The following ABHD18 variants were observed in gnomAD, a reference collection of about 807,000 sequenced individuals.
ABHD18 encodes the protein abhydrolase domain containing 18, also known as cardiolipin-specific deacylase, mitochondrial.
Under a neutral mutation model 65.9 loss-of-function variants are expected in ABHD18, and 55 were observed. That is an observed-to-expected ratio of 0.84 (90% CI 0.67 to 1.05). The LOEUF (loss-of-function observed/expected upper bound fraction) is 1.05, where lower values mean the gene tolerates loss of function less well. ABHD18 is among the 50% of genes least tolerant of loss of function. The pLI, the probability that ABHD18 is intolerant of heterozygous loss-of-function variation, is 0.00. For synonymous variants in ABHD18, 181 were observed against 180.2 expected (o/e 1.00, Z -0.04); for missense variants, 533 against 558.5 (o/e 0.95, Z 0.46).
At chr4:128,009,032 T>A (rs1309639432) in intron 5 of ABHD18, 34 bp downstream of exon 5, 1 of 1,590,070 alleles carries the variant, frequency 6.3e-7, no homozygotes, top group Admixed American at 1.8e-5. Context: ...AATCTCTAGA[T>A]AATTTGTTAA....
chr4:128,003,155 T>C (rs1380306755), intron 4 of ABHD18, among the ~76,000 whole-genome samples: 1 of 151,338 alleles, frequency 6.6e-6, no homozygotes, highest in Non-Finnish European at 1.5e-5. Context: ...GATCATGAGG[T>C]CAGGAGTTCG....
chr4:128,000,453 T>C (rs1215345363), intron 4 of ABHD18, among the ~76,000 whole-genome samples: 3 of 152,218 alleles, frequency 2.0e-5, no homozygotes, highest in Admixed American at 1.3e-4. Flanking sequence ...GCTTTATTTC[T>C]GCATTCTCTA....
In ABHD18 at chr4:128,028,616, C is replaced by T; in HGVS notation, c.943C>T (p.His315Tyr). The stretch of plus-strand genomic sequence containing the variant: ...TGTATCCCAAAAACCTGCTGACTGC[C>T]ATAATTCTAGCAAAACATCTGTCAG... ...QVVSQKPADC[H>Y]NSSKTSVSAT... The change falls in exon 11 of 13, where the codon CAT becomes TAT. Residue 315 changes from histidine (H) to tyrosine (Y), a missense_variant. Physicochemically the swap from His to Tyr is moderately conservative, Grantham distance 83. Around this residue, in one of 3 missense-constraint regions of ABHD18, gnomAD observed 220 missense variants for 226.8 expected, o/e 0.97. Transcript: ENST00000645843. 6.2e-7 allele frequency: 1 copy of T among 1,613,828 alleles called. No individual in the cohort carries two copies. The highest frequency in any genetic ancestry group is 1.3e-5 in the African/African-American group (1 of 75,020).
chr4:128,006,118 CTG>C (rs1239912991), intron 4 of ABHD18, among the ~76,000 whole-genome samples: 1 of 152,120 alleles, frequency 6.6e-6, no homozygotes, highest in African/African-American at 2.4e-5. Context: ...CTGGGGAAGA[CTG>C]TTAGAAGATA....
chr4:127,985,738 G>C (rs938616027), intron 3 of ABHD18, among the ~76,000 whole-genome samples: 5 of 151,890 alleles, frequency 3.3e-5, no homozygotes, highest in Non-Finnish European at 5.9e-5. Context: ...TTTAAAAATT[G>C]AGATAAAGAT....
intron 4 of ABHD18, chr4:128,001,785 A>AGAAACTT: frequency 6.5e-7 from 1 of 1,539,638 alleles, no homozygotes; most frequent in African/African-American, 1.4e-5. Context: ...ATTTCTCTCT[A>AGAAACTT]GAAACTTTTG....
intron 1 of ABHD18, among the ~76,000 whole-genome samples, chr4:127,978,804 C>A (rs377582243): frequency 6.6e-6 from 1 of 152,122 alleles, no homozygotes; most frequent in Non-Finnish European, 1.5e-5. Context: ...TACAGATGCT[C>A]CTCAGCTTAT....
intron 11 of ABHD18, among the ~76,000 whole-genome samples, chr4:128,029,273 C>T (rs1757850785): frequency 6.6e-6 from 1 of 152,008 alleles, no homozygotes; most frequent in Non-Finnish European, 1.5e-5. Flanking sequence ...GTGGAAGGAT[C>T]GCTTCAGCCC....
Position 127,992,496 on chromosome 4 carries a change from T to C in ABHD18, c.278+2675T>C, listed in dbSNP as rs183432200. Among the ~76,000 whole-genome samples, 77 of 151,420 alleles carry C rather than the reference T, an allele frequency of 5.1e-4. No homozygotes were observed. The Middle Eastern group carries it at 0.01, about 20-fold the overall frequency. ...ATCTTAAAAAAAAAAGGAATGAAAA[T>C]AGTGTGCGGGGAATATAAAAAACAT... On this transcript the variant is annotated intron_variant, in intron 4 of 12. Transcript: ENST00000645843.
intron 10 of ABHD18, among the ~76,000 whole-genome samples, chr4:128,024,051 C>G (rs1373369303): frequency 2.0e-5 from 3 of 152,114 alleles, no homozygotes; most frequent in African/African-American, 7.2e-5. Flanking sequence ...TTTTGTGTTG[C>G]TGTAACAGAA....
chr4:128,035,214 T>A (rs1758751114), intron 12 of ABHD18, among the ~76,000 whole-genome samples: 1 of 152,132 alleles, frequency 6.6e-6, no homozygotes, highest in Non-Finnish European at 1.5e-5. Flanking sequence ...CGTGCGTGTA[T>A]GTATGAATAT....
chr4:127,990,493 G>A (rs1750727915), intron 4 of ABHD18, among the ~76,000 whole-genome samples: 1 of 152,138 alleles, frequency 6.6e-6, no homozygotes, highest in Non-Finnish European at 1.5e-5. Context: ...GAACCCAGGA[G>A]GCGGAGGTTG....
intron 1 of ABHD18, among the ~76,000 whole-genome samples, chr4:127,980,600 G>T (rs1436875868): frequency 6.7e-6 from 1 of 148,174 alleles, no homozygotes; most frequent in Non-Finnish European, 1.5e-5. Context: ...AAGGCGGACG[G>T]ATAACCTCAG....
rs1271946533 is a variant in ABHD18 at position 128,039,451 on chromosome 4, GC to G, written c.*3639del. 6.6e-6 allele frequency: 1 copy of G among 151,906 alleles called. No individual in the cohort carries two copies. The highest frequency in any genetic ancestry group is 1.5e-5 in the Non-Finnish European group (1 of 67,966). 9.4% of individuals were successfully genotyped at this position (151,906 alleles called of 1,614,324 possible). Reference sequence around the variant, plus strand: ...ACAACTTCTCTACTTTGTAGTTCCTGCTCAGCCCTGAAGACCTCTAAGTTTG... The same window carrying G: ...ACAACTTCTCTACTTTGTAGTTCCTGTCAGCCCTGAAGACCTCTAAGTTTG... On this transcript the variant is annotated 3_prime_UTR_variant, in exon 13 of 13. Transcript: ENST00000645843.
intron 8 of ABHD18, among the ~76,000 whole-genome samples, chr4:128,019,764 A>T (rs1220110715): frequency 6.6e-6 from 1 of 152,156 alleles, no homozygotes; most frequent in African/African-American, 2.4e-5. Context: ...TTAAGTAATG[A>T]GTGTGTTTAC....
intron 10 of ABHD18, among the ~76,000 whole-genome samples, chr4:128,027,674 G>A: frequency 6.6e-6 from 1 of 152,144 alleles, no homozygotes; most frequent in East Asian, 1.9e-4. Flanking sequence ...AAAGTGCCGG[G>A]ATTACAGGCG....
At chr4:127,981,146 T>C (rs1253269388) in intron 1 of ABHD18, among the ~76,000 whole-genome samples, 2 of 152,168 alleles carry the variant, frequency 1.3e-5, no homozygotes, top group Non-Finnish European at 2.9e-5. Context: ...ATACTTACAG[T>C]CTCTAACTTA....
intron 3 of ABHD18, among the ~76,000 whole-genome samples, chr4:127,986,474 C>T (rs1749976572): frequency 6.6e-6 from 1 of 152,142 alleles, no homozygotes; most frequent in Non-Finnish European, 1.5e-5. Flanking sequence ...AATTGATGGA[C>T]ATTTGGGTTG....
intron 7 of ABHD18, among the ~76,000 whole-genome samples, chr4:128,016,772 G>A (rs1755580673): frequency 1.3e-5 from 2 of 152,114 alleles, no homozygotes; most frequent in Non-Finnish European, 2.9e-5. Flanking sequence ...GCAAGACTCC[G>A]TCTCAAAGAA....
Sources: gnomAD v4.1 joint callset for allele counts (sites outside exome capture counted in the v4.1 genomes callset) on GRCh38, gnomAD v4.1.1 for gene constraint, gnomAD v4.1.1 regional missense constraint, MANE v1.5 for transcripts, NCBI Gene and HGNC (gene_info 2026-07-23, HGNC 2026-07-21) for gene names.